TBC1D32: variants seen among roughly 807,000 people sequenced by gnomAD.
The protein encoded by TBC1D32 is protein broad-minded.
TBC1D32 carries 151 observed loss-of-function variants against 170.3 expected under a neutral mutation model. The observed-to-expected ratio is 0.89, with a 90% CI of 0.78 to 1.01. The LOEUF is 1.01. Ranked by LOEUF, TBC1D32 falls within the 50% of genes least tolerant of loss-of-function variation. The pLI, the probability that TBC1D32 is intolerant of heterozygous loss-of-function variation, is 0.00. For synonymous variants in TBC1D32, 498 were observed against 488.0 expected, an observed-to-expected ratio of 1.02 and a Z score of -0.27; for missense variants, 1,464 against 1,457.1, an observed-to-expected ratio of 1.00 and a Z score of -0.08.
chr6:121,204,119 T>TC (rs1444931920), intron 22 of TBC1D32, among the ~76,000 whole-genome samples: 2 of 150,658 alleles, frequency 1.3e-5, no homozygotes, highest in Non-Finnish European at 2.9e-5. Flanking sequence ...TTTCCTAGTT[T>TC]CCCCCATCAA....
intron 31 of TBC1D32, among the ~76,000 whole-genome samples, chr6:121,087,880 G>A (rs551464546): frequency 7.3e-5 from 11 of 151,444 alleles, no homozygotes; most frequent in East Asian, 3.9e-4. Flanking sequence ...TATGTAGAGC[G>A]AGGGGATAAT....
At chr6:121,134,730 A>G (rs1781846172) in intron 24 of TBC1D32, among the ~76,000 whole-genome samples, 2 of 152,152 alleles carry the variant, frequency 1.3e-5, no homozygotes, top group South Asian at 4.1e-4. Context: ...TATATCTGTG[A>G]TATTACTGAG....
Position 121,189,487 on chromosome 6 carries a change from C to T in TBC1D32, c.2570+15588G>A, listed in dbSNP as rs1789655919. Among the ~76,000 whole-genome samples, 4 of 149,424 alleles carry T rather than the reference C, an allele frequency of 2.7e-5. No homozygotes were observed. In the South Asian group the frequency reaches 8.5e-4, roughly 32 times the overall value. ...TAATATTAATGTTCATTATATTGAC[C>T]CTATAAACGTTTATATGTTTATATG... On this transcript the variant is annotated intron_variant, in intron 22 of 31. Coordinates refer to ENST00000398212, the MANE Select transcript of TBC1D32 (RefSeq NM_152730.6).
At chr6:121,082,172 C>T (rs971983503) in intron 31 of TBC1D32, among the ~76,000 whole-genome samples, 1 of 151,934 alleles carries the variant, frequency 6.6e-6, no homozygotes, top group Non-Finnish European at 1.5e-5. Flanking sequence ...AAGAGCCCTG[C>T]CCTAAAATGT....
Position 121,289,901 on chromosome 6 carries a change from C to G in TBC1D32, c.1372+2152G>C, listed in dbSNP as rs570233267. On this transcript the variant is annotated intron_variant, in intron 12 of 31. Coordinates refer to ENST00000398212, the MANE Select transcript of TBC1D32 (RefSeq NM_152730.6). ...CTGACAAAAACAAGAAATGGGGAAA[C>G]GATTCCCTATTCAATAAATGGTGCT... is the stretch of plus-strand genomic sequence containing the variant. 8.9e-3 allele frequency among the ~76,000 whole-genome samples: 1,355 copies of G among 152,166 alleles called. 25 individuals carry two copies. The highest frequency in any genetic ancestry group is 0.031 in the African/African-American group (1,281 of 41,506).
chr6:121,090,724 A>T, intron 31 of TBC1D32, 129 bp downstream of exon 31: 1 of 768,128 alleles, frequency 1.3e-6, no homozygotes, highest in Non-Finnish European at 2.1e-6. Flanking sequence ...TAAAATGGGG[A>T]TGATAATAGT....
chr6:121,265,235 T>C (rs62378524), intron 15 of TBC1D32, among the ~76,000 whole-genome samples: 2 of 152,098 alleles, frequency 1.3e-5, no homozygotes, highest in Admixed American at 6.6e-5. Context: ...ATAAAATCAA[T>C]GTGCAAAAAT....
At chr6:121,273,644 A>G (rs1428595675) in intron 15 of TBC1D32, among the ~76,000 whole-genome samples, 1 of 152,112 alleles carries the variant, frequency 6.6e-6, no homozygotes, top group Non-Finnish European at 1.5e-5. Flanking sequence ...AATTTAAAAA[A>G]AAAAAAAAAG....
intron 20 of TBC1D32, among the ~76,000 whole-genome samples, chr6:121,235,231 A>T (rs1412170213): frequency 6.6e-6 from 1 of 152,138 alleles, no homozygotes; most frequent in Non-Finnish European, 1.5e-5. Flanking sequence ...GTGATCCTGT[A>T]GGGAGGATGC....
intron 12 of TBC1D32, among the ~76,000 whole-genome samples, chr6:121,286,718 A>C (rs1331139857): frequency 6.6e-6 from 1 of 152,210 alleles, no homozygotes; most frequent in Non-Finnish European, 1.5e-5. Flanking sequence ...ACCAAAGTTC[A>C]AATGAAGGAA....
At chr6:121,100,340 TTGATC>T (rs1562478988) in intron 30 of TBC1D32, among the ~76,000 whole-genome samples, 11 of 151,964 alleles carry the variant, frequency 7.2e-5, no homozygotes, top group African/African-American at 2.7e-4. Context: ...TTCTGTCTCA[TTGATC>T]TGTCTAATGT....
intron 12 of TBC1D32, among the ~76,000 whole-genome samples, chr6:121,285,771 G>A (rs1352591379): frequency 6.6e-6 from 1 of 152,114 alleles, no homozygotes; most frequent in Non-Finnish European, 1.5e-5. Flanking sequence ...ACACGGCCAG[G>A]TACTCCTCTG....
At chr6:121,302,773 T>G (rs1372819709) in intron 9 of TBC1D32, among the ~76,000 whole-genome samples, 6 of 152,268 alleles carry the variant, frequency 3.9e-5, no homozygotes, top group South Asian at 4.1e-4. Flanking sequence ...TAATTTAATT[T>G]AATTGAGTAA....
chr6:121,098,215 AT>A (rs200048257), intron 30 of TBC1D32, among the ~76,000 whole-genome samples: 27 of 151,098 alleles, frequency 1.8e-4, no homozygotes, highest in African/African-American at 6.3e-4. Context: ...AATAATAATA[AT>A]AATAAAACAT....
chr6:121,248,624 TACAGACAATATC>T (rs1364503122), intron 17 of TBC1D32, among the ~76,000 whole-genome samples: 1 of 151,774 alleles, frequency 6.6e-6, no homozygotes, highest in Admixed American at 6.6e-5. Context: ...CTGGAGTTAT[TACAGACAATATC>T]ACAGAAATAT....
intron 30 of TBC1D32, among the ~76,000 whole-genome samples, chr6:121,094,448 T>C (rs1777165066): frequency 1.3e-5 from 2 of 152,138 alleles, no homozygotes; most frequent in South Asian, 4.1e-4. Flanking sequence ...ATTACCTGCA[T>C]GAACCACCAC....
At chr6:121,332,560 C>T (rs926804855) in intron 1 of TBC1D32, among the ~76,000 whole-genome samples, 7 of 151,982 alleles carry the variant, frequency 4.6e-5, no homozygotes, top group Admixed American at 3.9e-4. Flanking sequence ...GCCAAATTCC[C>T]AGAATATGAT....
intron 15 of TBC1D32, among the ~76,000 whole-genome samples, chr6:121,277,910 C>T (rs2128440189): frequency 6.6e-6 from 1 of 150,960 alleles, no homozygotes; most frequent in East Asian, 1.9e-4. Context: ...AAATTACTAA[C>T]ATCAGAAGTG....
rs192883078 is a variant in TBC1D32 at position 121,079,497 on chromosome 6, G to A, written c.*1274C>T. The A allele has an allele frequency of 3.7e-3, 566 of 152,082 alleles. 2 individuals carry two copies. The highest frequency in any genetic ancestry group is 0.012 in the African/African-American group (518 of 41,514). The allele number at this position is 152,082 out of a possible 1,614,324, so 9.4% of individuals were successfully genotyped here. On this transcript the variant is annotated 3_prime_UTR_variant, in exon 32 of 32. Transcript: ENST00000398212. ...GAAAACGAAAAAAAAAGCAGGGTTA[G>A]AGTTAGAATGATTTTAATGGTTGAT...
Sources: allele counts gnomAD v4.1 joint callset (sites outside exome capture counted in the v4.1 genomes callset), GRCh38; gene constraint gnomAD v4.1.1; transcripts MANE v1.5; gene names NCBI Gene and HGNC (gene_info 2026-07-23, HGNC 2026-07-21).